AUTS2: variants seen among roughly 807,000 people sequenced by gnomAD.
AUTS2 encodes the protein activator of transcription and developmental regulator AUTS2, also known as autism susceptibility gene 2 protein.
AUTS2 carries 17 observed loss-of-function variants against 112.4 expected under a neutral mutation model. The ratio of observed to expected loss-of-function variants is 0.15; its 90% CI spans 0.10 to 0.23. AUTS2 has a LOEUF of 0.23. Among genes scored for constraint, AUTS2 ranks in the 10% least tolerant of loss-of-function variants. The probability of loss-of-function intolerance (pLI) is 1.00; values close to 1 mark genes in which losing one functional copy is unlikely to be tolerated. For missense variants in AUTS2, 1,510 were observed against 1,701.6 expected (o/e 0.89, Z 1.98); for synonymous variants, 751 against 702.7 (o/e 1.07, Z -1.09).
intron 1 of AUTS2, 60 bp downstream of exon 1, chr7:69,600,022 C>T (rs1014827666): frequency 1.5e-5 from 24 of 1,565,382 alleles, no homozygotes; most frequent in Non-Finnish European, 1.8e-5. Flanking sequence ...CGGCTGCGCC[C>T]GGCTCTCCTG....
At chr7:70,089,874 G>A (rs888687662) in intron 2 of AUTS2, among the ~76,000 whole-genome samples, 22 of 151,974 alleles carry the variant, frequency 1.4e-4, no homozygotes, top group African/African-American at 4.8e-4. Context: ...GGATGTGGTG[G>A]TAGGCGCCTG....
chr7:69,984,979 AT>A (rs1291502523), intron 2 of AUTS2, among the ~76,000 whole-genome samples: 1 of 152,192 alleles, frequency 6.6e-6, no homozygotes, highest in Non-Finnish European at 1.5e-5. Context: ...TTTTGTTGAC[AT>A]TTTTAAGAAG....
rs545273738 is a variant in AUTS2, at chr7:69,899,712, C to T, written c.522+214C>T. On this transcript the variant is annotated intron_variant, in intron 2 of 18. Coordinates refer to ENST00000342771, the MANE Select transcript of AUTS2 (RefSeq NM_015570.4). ...TTGAAACTTCAGCATGGTGCCCTTT[C>T]AGTCAGATGTGCTTTATGCAACAAA... Among the ~76,000 whole-genome samples, 66 of 152,312 alleles carry T rather than the reference C, an allele frequency of 4.3e-4. 1 individual carries two copies. In the Middle Eastern group the frequency reaches 0.01, roughly 24 times the overall value.
At chr7:69,973,631 T>G (rs1797943565) in intron 2 of AUTS2, among the ~76,000 whole-genome samples, 1 of 152,166 alleles carries the variant, frequency 6.6e-6, no homozygotes, top group Non-Finnish European at 1.5e-5. Context: ...TCTGAGATTT[T>G]TTTTATCATG....
Position 70,766,420 on chromosome 7 carries a change from G to A in AUTS2, c.1689+86G>A. The A allele has an allele frequency of 6.6e-7, 1 of 1,512,188 alleles. No homozygotes were observed. The highest frequency in any genetic ancestry group is 1.8e-4 in the Middle Eastern group (1 of 5,642). 93.7% of individuals were successfully genotyped at this position (1,512,188 alleles called of 1,614,324 possible). On this transcript the variant is annotated intron_variant, in intron 9 of 18. Coordinates refer to ENST00000342771, the MANE Select transcript of AUTS2 (RefSeq NM_015570.4). The surrounding 1 kb of genome is among the most constrained non-coding windows in gnomAD (Gnocchi z 4.8). ...ACGTGGGACCGGGCTGGGCAGCGGG[G>A]CCACCAGAGATCGAATGGGGACTGA...
chr7:70,086,466 A>C (rs564908316), intron 2 of AUTS2, among the ~76,000 whole-genome samples: 58 of 152,102 alleles, frequency 3.8e-4, no homozygotes, highest in African/African-American at 1.3e-3. Context: ...ACATGCTGAA[A>C]CCCAGCCTCT....
intron 5 of AUTS2, among the ~76,000 whole-genome samples, chr7:70,594,938 C>A (rs1803122019): frequency 6.6e-6 from 1 of 152,060 alleles, no homozygotes; most frequent in African/African-American, 2.4e-5. Flanking sequence ...CCTGCCTCTA[C>A]TAAAAATACA....
intron 2 of AUTS2, among the ~76,000 whole-genome samples, chr7:70,005,705 C>T (rs1799516832): frequency 6.6e-6 from 1 of 152,106 alleles, no homozygotes; most frequent in South Asian, 2.1e-4. Context: ...TGGGCCTGGT[C>T]ACCAGCTGTG....
intron 1 of AUTS2, among the ~76,000 whole-genome samples, chr7:69,611,706 G>T (rs1253651379): frequency 4.0e-5 from 6 of 151,728 alleles, no homozygotes; most frequent in Admixed American, 1.3e-4. Context: ...CGAGGCGGGT[G>T]GATCACGAGG....
intron 2 of AUTS2, among the ~76,000 whole-genome samples, chr7:70,095,348 G>A (rs370890259): frequency 2.1e-4 from 32 of 152,220 alleles, no homozygotes; most frequent in African/African-American, 6.5e-4. Flanking sequence ...TCTCATACAC[G>A]CATAGAAGTC....
At chr7:70,391,082 C>T (rs909944341) in intron 4 of AUTS2, among the ~76,000 whole-genome samples, 6 of 152,216 alleles carry the variant, frequency 3.9e-5, no homozygotes, top group Non-Finnish European at 8.8e-5. Flanking sequence ...AAATCCCACA[C>T]GTACAGGCCA....
intron 4 of AUTS2, among the ~76,000 whole-genome samples, chr7:70,390,546 A>G (rs901025444): frequency 1.3e-5 from 2 of 152,092 alleles, no homozygotes; most frequent in African/African-American, 4.8e-5. Flanking sequence ...GAGGGTGTGC[A>G]AAAGAACACT....
At chr7:69,982,610 CAT>C (rs1180084880) in intron 2 of AUTS2, among the ~76,000 whole-genome samples, 5 of 152,194 alleles carry the variant, frequency 3.3e-5, no homozygotes, top group African/African-American at 1.2e-4. Flanking sequence ...AAGAAAACTA[CAT>C]GAGTGCGTTT....
At chr7:70,771,404 A>AT in intron 10 of AUTS2, 145 bp from the exon 11 acceptor site, 1 of 573,172 alleles carries the variant, frequency 1.7e-6, no homozygotes, top group Non-Finnish European at 3.0e-6. Flanking sequence ...CTGTGTGATC[A>AT]TTCCATCATG....
At chr7:70,713,031 G>A (rs568751291) in intron 6 of AUTS2, among the ~76,000 whole-genome samples, 3 of 152,284 alleles carry the variant, frequency 2.0e-5, no homozygotes, top group South Asian at 4.2e-4. Flanking sequence ...CATGTTTAGC[G>A]TGGTTCTGAC....
At chr7:70,339,710 T>C (rs1420222831) in intron 4 of AUTS2, among the ~76,000 whole-genome samples, 2 of 152,196 alleles carry the variant, frequency 1.3e-5, no homozygotes, top group Non-Finnish European at 2.9e-5. Flanking sequence ...AGCAACATGT[T>C]TGACTGATTT....
chr7:70,122,437 A>G (rs969823452), intron 3 of AUTS2, among the ~76,000 whole-genome samples: 2 of 152,106 alleles, frequency 1.3e-5, no homozygotes, highest in African/African-American at 4.8e-5. Flanking sequence ...AGCCTTGTCT[A>G]CTAATTGTGT....
intron 4 of AUTS2, among the ~76,000 whole-genome samples, chr7:70,402,121 A>T (rs915013300): frequency 2.0e-5 from 3 of 152,258 alleles, no homozygotes; most frequent in African/African-American, 7.2e-5. Flanking sequence ...CACACTGTGA[A>T]AATAGGATGT....
intron 2 of AUTS2, among the ~76,000 whole-genome samples, chr7:70,054,530 T>A (rs1218076547): frequency 6.6e-6 from 1 of 152,208 alleles, no homozygotes; most frequent in African/African-American, 2.4e-5. Context: ...GGATATGCAG[T>A]GTTTACCAAA....
Sources: allele counts gnomAD v4.1 joint callset (sites outside exome capture counted in the v4.1 genomes callset), GRCh38; gene constraint gnomAD v4.1.1; non-coding constraint Gnocchi (gnomAD v3.1); transcripts MANE v1.5; gene names NCBI Gene and HGNC (gene_info 2026-07-23, HGNC 2026-07-21).